UXS1: variants seen among roughly 807,000 people sequenced by gnomAD.
UXS1 encodes UDP-glucuronate decarboxylase 1, also known as UDP-glucuronic acid decarboxylase 1.
UXS1 carries 33 observed loss-of-function variants against 62.6 expected under a neutral mutation model. That is an observed-to-expected ratio of 0.53 (90% CI 0.40 to 0.70). The LOEUF is 0.70. UXS1 is among the 30% of genes least tolerant of loss of function. The pLI is 0.00. For synonymous variants in UXS1, 213 were observed against 206.8 expected (o/e 1.03, Z -0.26); for missense variants, 434 against 556.3 (o/e 0.78, Z 2.21).
intron 10 of UXS1, among the ~76,000 whole-genome samples, chr2:106,110,535 A>G (rs1453725188): frequency 1.3e-5 from 2 of 152,316 alleles, no homozygotes; most frequent in East Asian, 3.9e-4. Context: ...GGAATTCTCA[A>G]CTGAGCAGGT....
intron 14 of UXS1, among the ~76,000 whole-genome samples, chr2:106,096,366 TGTATATA>T (rs1298644511): frequency 2.0e-4 from 30 of 152,188 alleles, no homozygotes; most frequent in African/African-American, 7.2e-4. Context: ...TGTATGACAG[TGTATATA>T]TGACAGTGTG....
At chr2:106,111,700 T>G (rs911941837) in intron 10 of UXS1, among the ~76,000 whole-genome samples, 4 of 152,166 alleles carry the variant, frequency 2.6e-5, no homozygotes, top group Non-Finnish European at 5.9e-5. Flanking sequence ...TGAGCTAACG[T>G]GATCAACCAA....
At position 106,093,426 on chromosome 2, in the gene UXS1, T is replaced by C. The variant is rs1321462641; in HGVS notation, c.*600A>G. ...CCAGATACGCAGCAAAACACAGTAGTGATTTCAAATATCCTTGATCATGAC... is the reference window on the plus strand; with the variant it reads ...CCAGATACGCAGCAAAACACAGTAGCGATTTCAAATATCCTTGATCATGAC... On this transcript the variant is annotated 3_prime_UTR_variant, in exon 15 of 15. Transcript: ENST00000283148. 1 of 147,258 alleles carries C rather than the reference T, an allele frequency of 6.8e-6. No homozygotes were observed. The highest frequency in any genetic ancestry group is 1.5e-5 in the Non-Finnish European group (1 of 66,840). 9.1% of individuals were successfully genotyped at this position (147,258 alleles called of 1,614,324 possible).
At chr2:106,115,112 G>A (rs954015321) in intron 9 of UXS1, among the ~76,000 whole-genome samples, 4 of 152,170 alleles carry the variant, frequency 2.6e-5, no homozygotes, top group African/African-American at 9.7e-5. Flanking sequence ...GACAGTCGAT[G>A]GATGCTGACA....
intron 1 of UXS1, among the ~76,000 whole-genome samples, chr2:106,193,708 A>G (rs1299094274): frequency 6.6e-6 from 1 of 152,150 alleles, no homozygotes; most frequent in Non-Finnish European, 1.5e-5. Context: ...GGGCTCTGCC[A>G]ATGGCCACAG....
chr2:106,112,652 T>G lies in UXS1; in HGVS notation c.873A>C (p.Pro291=), dbSNP rs1017712300. The stretch of plus-strand genomic sequence containing the variant: ...AGCCGAGGCCAGCACCTACCGTGAG[T>G]GGCTCCCCCTGGAGCGCCTGCAGGA... ...NFILQALQGE[P]LTVYGSGSQT... Residue 291 remains proline, a synonymous_variant, in exon 10 of 15, where the codon CCA becomes CCC. Transcript: ENST00000283148. 1.2e-6 allele frequency: 2 copies of G among 1,613,896 alleles called. No individual in the cohort carries two copies. Among genetic ancestry groups the G allele is most frequent in the Non-Finnish European group, 1.7e-6 (2 of 1,179,850 alleles).
intron 6 of UXS1, among the ~76,000 whole-genome samples, chr2:106,139,383 T>C (rs1680917472): frequency 6.6e-6 from 1 of 152,160 alleles, no homozygotes; most frequent in Non-Finnish European, 1.5e-5. Context: ...TGTTGGGAAG[T>C]GGCTGGGTGA....
intron 6 of UXS1, among the ~76,000 whole-genome samples, chr2:106,130,249 C>T (rs1680329587): frequency 6.6e-6 from 1 of 152,046 alleles, no homozygotes; most frequent in Admixed American, 6.5e-5. Flanking sequence ...ACCCTGAGAC[C>T]ATGGCGAGGG....
chr2:106,178,964 T>C (rs1324329779), intron 1 of UXS1, among the ~76,000 whole-genome samples: 2 of 152,164 alleles, frequency 1.3e-5, no homozygotes, highest in African/African-American at 2.4e-5. Flanking sequence ...GCGGTGTTGA[T>C]AAAGCTTGCT....
chr2:106,112,574 T>C (rs2104884454), intron 10 of UXS1, 72 bp downstream of exon 10: 1 of 1,576,050 alleles, frequency 6.3e-7, no homozygotes, highest in Non-Finnish European at 8.6e-7. Flanking sequence ...AAGATGCACT[T>C]ATCCCTCATC....
chr2:106,145,103 T>C, intron 6 of UXS1, 87 bp downstream of exon 6: 1 of 1,440,762 alleles, frequency 6.9e-7, no homozygotes, highest in Non-Finnish European at 9.4e-7. Flanking sequence ...ATGTGCTGAG[T>C]CAAACAGCTT....
In UXS1 at chr2:106,158,058, C is replaced by T; in HGVS notation, c.291G>A (p.Leu97=). Residue 97 remains leucine, a splice_region_variant and synonymous_variant, in exon 5 of 15, where the codon TTG becomes TTA. Coordinates refer to ENST00000283148, the MANE Select transcript of UXS1 (RefSeq NM_001253875.2). The part of the protein sequence containing the change: ...FLSEKDRKRI[L]ITGGAGFVGS... ...ATACTATTCAGGTGTGCAAACTTAC[C>T]AAAATTCTTTTCCGATCCTTTTCTG... is the stretch of plus-strand genomic sequence containing the variant. 6.4e-7 allele frequency: 1 copy of T among 1,562,092 alleles called. No individual in the cohort carries two copies. Among genetic ancestry groups the T allele is most frequent in the Non-Finnish European group, 8.7e-7 (1 of 1,151,878 alleles).
intron 1 of UXS1, chr2:106,183,453 T>C (rs1387323943): frequency 1.3e-5 from 2 of 152,250 alleles, no homozygotes; most frequent in Non-Finnish European, 2.9e-5. Flanking sequence ...TGCTTTGAAG[T>C]TCAAACGTTT....
chr2:106,140,261 G>A (rs900821686), intron 6 of UXS1, among the ~76,000 whole-genome samples: 3 of 152,136 alleles, frequency 2.0e-5, no homozygotes, highest in South Asian at 2.1e-4. Flanking sequence ...TGAAGCCACC[G>A]CAGGGGAAAG....
At chr2:106,165,367 C>G (rs1412271082) in intron 2 of UXS1, among the ~76,000 whole-genome samples, 2 of 152,202 alleles carry the variant, frequency 1.3e-5, no homozygotes, top group African/African-American at 2.4e-5. Context: ...ACATGTGCAG[C>G]CGCATTACAT....
intron 8 of UXS1, among the ~76,000 whole-genome samples, chr2:106,125,348 G>A (rs1389485521): frequency 6.6e-6 from 1 of 152,208 alleles, no homozygotes; most frequent in Non-Finnish European, 1.5e-5. Context: ...AGAGCAGAAT[G>A]GCAGAAACAC....
At chr2:106,112,206 G>A (rs1181029833) in intron 10 of UXS1, among the ~76,000 whole-genome samples, 1 of 152,238 alleles carries the variant, frequency 6.6e-6, no homozygotes, top group Non-Finnish European at 1.5e-5. Context: ...GTGGCCAGTG[G>A]AGGATGGTAC....
At chr2:106,101,774 T>A (rs1677620371) in intron 11 of UXS1, 1 of 152,216 alleles carries the variant, frequency 6.6e-6, no homozygotes, top group Admixed American at 6.5e-5. Context: ...GCCATGAAGG[T>A]GAAGATAAGT....
chr2:106,130,072 G>C (rs191754287), intron 6 of UXS1, among the ~76,000 whole-genome samples: 1 of 152,222 alleles, frequency 6.6e-6, no homozygotes, highest in East Asian at 1.9e-4. Flanking sequence ...GTCCCAGATA[G>C]AGCATTCAAA....
Sources: allele counts gnomAD v4.1 joint callset (sites outside exome capture counted in the v4.1 genomes callset), GRCh38; gene constraint gnomAD v4.1.1; transcripts MANE v1.5; gene names NCBI Gene and HGNC (gene_info 2026-07-23, HGNC 2026-07-21).